Variants in FAT3 observed in about 807,000 individuals in gnomAD.
FAT3 encodes FAT atypical cadherin 3, also known as protocadherin Fat 3.
A neutral mutation model predicts 310.2 loss-of-function variants in FAT3; 95 were observed. The observed-to-expected ratio is 0.31, with a 90% CI of 0.26 to 0.36. The LOEUF (loss-of-function observed/expected upper bound fraction) is 0.36. Ranked by LOEUF, FAT3 falls within the 10% of genes least tolerant of loss-of-function variation. FAT3 has a pLI of 1.00. For missense variants in FAT3, 5,408 were observed against 5,715.6 expected (o/e 0.95, Z 1.74); for synonymous variants, 2,314 against 2,192.9 (o/e 1.06, Z -1.54).
At chr11:92,282,557 C>T (rs765971107) in intron 1 of FAT3, among the ~76,000 whole-genome samples, 8 of 151,464 alleles carry the variant, frequency 5.3e-5, no homozygotes, top group Middle Eastern at 3.2e-3. Context: ...CCCAGCTACT[C>T]GGGAGGCTGA....
At chr11:92,698,955 C>T (rs1944017806) in intron 4 of FAT3, among the ~76,000 whole-genome samples, 2 of 152,152 alleles carry the variant, frequency 1.3e-5, no homozygotes, top group Admixed American at 6.5e-5. Flanking sequence ...CTTGCAAGGT[C>T]GTCTCTGTCA....
Position 92,353,324 on chromosome 11 carries a change from G to T in FAT3, c.1212G>T (p.Pro404=), listed in dbSNP as rs372553234. Residue 404 remains proline (P), a synonymous_variant, in exon 2 of 28, where the codon CCG becomes CCT. Coordinates refer to ENST00000525166, the MANE Select transcript of FAT3 (RefSeq NM_001367949.2). ...CTATAGTAAAATTAAGTCCTGAACC[G>T]ATAGATGTGGAATACAAATTATCTC... The part of the protein sequence containing the change: ...VVAIVKLSPE[P]IDVEYKLSPG... 1 of 1,613,434 alleles carries T rather than the reference G, an allele frequency of 6.2e-7. No individual in the cohort carries two copies. Among genetic ancestry groups the T allele is most frequent in the African/African-American group, 1.3e-5 (1 of 74,904 alleles).
intron 3 of FAT3, among the ~76,000 whole-genome samples, chr11:92,553,913 C>T (rs979653677): frequency 2.0e-5 from 3 of 151,768 alleles, no homozygotes; most frequent in Non-Finnish European, 2.9e-5. Context: ...TCAAGTGGTT[C>T]TCCTGCCTCA....
At chr11:92,814,925 G>C (rs193221943) in intron 13 of FAT3, among the ~76,000 whole-genome samples, 2 of 152,166 alleles carry the variant, frequency 1.3e-5, no homozygotes, top group Non-Finnish European at 2.9e-5. Flanking sequence ...ACAGTCAGGG[G>C]TAGGAACACA....
intron 4 of FAT3, among the ~76,000 whole-genome samples, chr11:92,733,003 G>T (rs191318602): frequency 2.0e-5 from 3 of 152,298 alleles, no homozygotes; most frequent in Non-Finnish European, 4.4e-5. Context: ...AAACTTCACC[G>T]CACAGGATGT....
In FAT3 at chr11:92,355,000, C is replaced by G. The variant is rs767993991; in HGVS notation, c.2888C>G (p.Pro963Arg). 3.7e-6 allele frequency: 6 copies of G among 1,613,684 alleles called. No homozygotes were observed. The highest frequency in any genetic ancestry group is 4.2e-6 in the Non-Finnish European group (5 of 1,179,876). Reference sequence around the variant, plus strand: ...ATTGCTTGGCTTGAGACCCATGATCCAGATCTTGGACTGGGGGGTCAAGTG... The same window carrying G: ...ATTGCTTGGCTTGAGACCCATGATCGAGATCTTGGACTGGGGGGTCAAGTG... ...TVIAWLETHD[P>R]DLGLGGQVRY... Residue 963 changes from proline (P) to arginine (R), a missense_variant, in exon 2 of 28, where the codon CCA becomes CGA. Physicochemically the swap from Pro to Arg is moderately radical, Grantham distance 103. Transcript: ENST00000525166.
intron 22 of FAT3, among the ~76,000 whole-genome samples, chr11:92,873,849 A>G (rs780934707): frequency 6.6e-6 from 1 of 152,204 alleles, no homozygotes; most frequent in Admixed American, 6.5e-5. Flanking sequence ...TTTTCGGTAC[A>G]TGTATCTCCA....
At chr11:92,757,845 A>G (rs904913924) in intron 4 of FAT3, among the ~76,000 whole-genome samples, 2 of 152,208 alleles carry the variant, frequency 1.3e-5, no homozygotes, top group African/African-American at 2.4e-5. Context: ...AAATCATTTC[A>G]GGAGACTGGA....
At chr11:92,725,433 A>G (rs146589765) in intron 4 of FAT3, among the ~76,000 whole-genome samples, 250 of 152,276 alleles carry the variant, frequency 1.6e-3, no homozygotes, top group African/African-American at 5.6e-3. Flanking sequence ...CAACTACCTC[A>G]TCAAAGTGTA....
At chr11:92,749,669 G>T (rs566698536) in intron 4 of FAT3, among the ~76,000 whole-genome samples, 1 of 152,108 alleles carries the variant, frequency 6.6e-6, no homozygotes, top group African/African-American at 2.4e-5. Flanking sequence ...GGGTACCTTC[G>T]TACATTTCTC....
intron 2 of FAT3, among the ~76,000 whole-genome samples, chr11:92,478,474 C>G (rs1007038324): frequency 6.6e-6 from 1 of 152,156 alleles, no homozygotes; most frequent in Non-Finnish European, 1.5e-5. Context: ...TTGCTTCCAA[C>G]GAGTTCCTCA....
At chr11:92,750,915 C>T (rs1945810925) in intron 4 of FAT3, among the ~76,000 whole-genome samples, 1 of 152,238 alleles carries the variant, frequency 6.6e-6, no homozygotes, top group South Asian at 2.1e-4. Context: ...GTAGTGACAG[C>T]TGTCTGGAAA....
intron 3 of FAT3, among the ~76,000 whole-genome samples, chr11:92,616,401 G>A (rs937227442): frequency 7.2e-5 from 11 of 152,014 alleles, no homozygotes; most frequent in East Asian, 5.8e-4. Context: ...TCCTGAATAC[G>A]GGACACTGAT....
At chr11:92,393,886 A>G (rs1949802705) in intron 2 of FAT3, among the ~76,000 whole-genome samples, 1 of 152,110 alleles carries the variant, frequency 6.6e-6, no homozygotes, top group South Asian at 2.1e-4. Flanking sequence ...TGGGGATTTT[A>G]TATGCTACTG....
At chr11:92,809,236 C>T (rs1341177460) in intron 12 of FAT3, among the ~76,000 whole-genome samples, 1 of 152,182 alleles carries the variant, frequency 6.6e-6, no homozygotes, top group Non-Finnish European at 1.5e-5. Context: ...TCCGACTTGA[C>T]TCCTCCCCAA....
chr11:92,718,457 C>T (rs182189007), intron 4 of FAT3, among the ~76,000 whole-genome samples: 1 of 152,150 alleles, frequency 6.6e-6, no homozygotes, highest in Admixed American at 6.5e-5. Context: ...GGAGGAAGTA[C>T]CTGGGGTTTC....
chr11:92,844,072 G>A lies in FAT3; in HGVS notation c.10705G>A (p.Val3569Ile), dbSNP rs1948618324. 2 of 1,613,864 alleles carry A rather than the reference G, an allele frequency of 1.2e-6. No homozygotes were observed. Among genetic ancestry groups the A allele is most frequent in the Non-Finnish European group, 8.5e-7 (1 of 1,179,888 alleles). Residue 3569 changes from valine to isoleucine, a missense_variant, in exon 19 of 28, where the codon GTC (valine) becomes ATC (isoleucine). Coordinates refer to ENST00000525166, the MANE Select transcript of FAT3 (RefSeq NM_001367949.2). The stretch of plus-strand genomic sequence containing the variant: ...CATGGAGGATGACTTTCCTGGTGGG[G>A]TCATTGGGAAGATTCATGCCACAGA... ...VTMEDDFPGG[V>I]IGKIHATDQD...
intron 3 of FAT3, among the ~76,000 whole-genome samples, chr11:92,583,633 T>G (rs1792351): frequency 0.54 from 81,986 of 151,548 alleles, 23,096 homozygotes; most frequent in African/African-American, 0.69. Context: ...TCACGAAAGT[T>G]TCCCGCTTTA....
intron 1 of FAT3, among the ~76,000 whole-genome samples, chr11:92,285,350 GTAT>G (rs1211479724): frequency 6.6e-6 from 1 of 152,122 alleles, no homozygotes; most frequent in African/African-American, 2.4e-5. Context: ...ACTTATTGAT[GTAT>G]TATTATTAAT....
Sources: allele counts gnomAD v4.1 joint callset (sites outside exome capture counted in the v4.1 genomes callset), GRCh38; gene constraint gnomAD v4.1.1; transcripts MANE v1.5; gene names NCBI Gene and HGNC (gene_info 2026-07-23, HGNC 2026-07-21).